Variants in CSMD1 observed in about 807,000 individuals in gnomAD.
CSMD1 encodes the protein CUB and Sushi multiple domains 1.
A neutral mutation model predicts 417.5 loss-of-function variants in CSMD1; 213 were observed. That is an observed-to-expected ratio of 0.51 (90% confidence interval 0.46 to 0.57). The LOEUF (loss-of-function observed/expected upper bound fraction) is 0.57. Among genes scored for constraint, CSMD1 ranks in the 20% least tolerant of loss-of-function variants. The probability of loss-of-function intolerance (pLI) is 0.00; values close to 1 mark genes in which losing one functional copy is unlikely to be tolerated. For synonymous variants in CSMD1, 2,862 were observed against 1,736.8 expected (o/e 1.65, Z -16.11); for missense variants, 6,923 against 4,529.7 (o/e 1.53, Z -15.17).
chr8:3,838,920 GTCTC>G lies in CSMD1; in HGVS notation c.819-84882_819-84879del, dbSNP rs1300609344. 9.8e-4 allele frequency among the ~76,000 whole-genome samples: 92 copies of G among 93,768 alleles called. 3 individuals are homozygous for G. The highest frequency in any genetic ancestry group is 4.4e-3 in the African/African-American group (79 of 18,110). 61.5% of individuals were successfully genotyped at this position (93,768 alleles called of 152,430 possible). A position where few individuals can be genotyped will look rare whatever the true frequency, so the allele number is the denominator to read the frequency against. ...ATAATATATACTCTAGATATGTATA[GTCTC>G]TCTATTTATATATAATAAAAAATTA... On this transcript the variant is annotated intron_variant, in intron 5 of 69. Transcript: ENST00000635120.
chr8:3,656,294 C>G (rs746994211), intron 7 of CSMD1, among the ~76,000 whole-genome samples: 1 of 152,180 alleles, frequency 6.6e-6, no homozygotes, highest in African/African-American at 2.4e-5. Flanking sequence ...CACAGAAATA[C>G]TCTCTCAGAA....
At chr8:4,083,234 G>T (rs1001595907) in intron 3 of CSMD1, among the ~76,000 whole-genome samples, 1 of 152,134 alleles carries the variant, frequency 6.6e-6, no homozygotes, top group Admixed American at 6.6e-5. Context: ...CCCACCAACA[G>T]TGTAAAAGTG....
intron 2 of CSMD1, among the ~76,000 whole-genome samples, chr8:4,469,022 A>T (rs948168849): frequency 6.6e-6 from 1 of 152,188 alleles, no homozygotes; most frequent in Non-Finnish European, 1.5e-5. Flanking sequence ...AAAAGTTCAA[A>T]AGACAATGCT....
intron 2 of CSMD1, among the ~76,000 whole-genome samples, chr8:4,426,727 T>C (rs919824733): frequency 4.1e-5 from 6 of 147,562 alleles, no homozygotes; most frequent in Admixed American, 6.8e-5. Context: ...TATTACTATA[T>C]ACATTTATTA....
At chr8:3,527,773 TTTGGA>T (rs1283245408) in intron 10 of CSMD1, among the ~76,000 whole-genome samples, 6 of 152,200 alleles carry the variant, frequency 3.9e-5, no homozygotes, top group African/African-American at 1.4e-4. Context: ...TATTCAACCC[TTTGGA>T]TCTGTAAGTA....
In CSMD1 at chr8:3,678,930, C is replaced by A. The variant is rs183729164; in HGVS notation, c.1009+29484G>T. 3.2e-3 allele frequency among the ~76,000 whole-genome samples: 481 copies of A among 152,144 alleles called. 12 individuals are homozygous for A. The highest frequency in any genetic ancestry group is 1.1e-3 in the Non-Finnish European group (78 of 68,002). Reference sequence around the variant, plus strand: ...TTTCAACCCAGAATTTCATATCCAGCCAAATTAAGCTTCATAAGTGAAGAA... The same window carrying A: ...TTTCAACCCAGAATTTCATATCCAGACAAATTAAGCTTCATAAGTGAAGAA... On this transcript the variant is annotated intron_variant, in intron 7 of 69. Coordinates refer to ENST00000635120, the MANE Select transcript of CSMD1 (RefSeq NM_033225.6).
At chr8:3,372,891 G>A (rs151322754) in intron 18 of CSMD1, among the ~76,000 whole-genome samples, 32 of 152,280 alleles carry the variant, frequency 2.1e-4, no homozygotes, top group African/African-American at 6.7e-4. Context: ...TAATGCCAGC[G>A]CACCGCGTAG....
chr8:3,709,490 G>T (rs1406829248), intron 6 of CSMD1, among the ~76,000 whole-genome samples: 1 of 151,958 alleles, frequency 6.6e-6, no homozygotes, highest in Non-Finnish European at 1.5e-5. Context: ...AGGAGATTCT[G>T]GGGGTGTCTG....
chr8:3,033,560 G>A (rs1038338343), intron 50 of CSMD1, among the ~76,000 whole-genome samples: 1 of 152,000 alleles, frequency 6.6e-6, no homozygotes, highest in Non-Finnish European at 1.5e-5. Context: ...GAGAACACAT[G>A]GACACAGGGA....
At chr8:4,715,747 T>G (rs1211950780) in intron 1 of CSMD1, among the ~76,000 whole-genome samples, 1 of 152,104 alleles carries the variant, frequency 6.6e-6, no homozygotes, top group East Asian at 1.9e-4. Context: ...CTCTCACACA[T>G]ATCCAACTTG....
intron 3 of CSMD1, among the ~76,000 whole-genome samples, chr8:4,129,897 T>G (rs187425606): frequency 1.0e-3 from 152 of 152,310 alleles, no homozygotes; most frequent in Non-Finnish European, 1.7e-3. Flanking sequence ...ATATAATATA[T>G]CCTTTTACTT....
intron 3 of CSMD1, among the ~76,000 whole-genome samples, chr8:4,228,759 A>G (rs561740460): frequency 2.2e-3 from 330 of 152,004 alleles, no homozygotes; most frequent in Non-Finnish European, 3.4e-3. Flanking sequence ...TCTTAGCTCA[A>G]TGCAACCTCT....
At chr8:4,093,398 T>C (rs1028360333) in intron 3 of CSMD1, among the ~76,000 whole-genome samples, 1 of 152,178 alleles carries the variant, frequency 6.6e-6, no homozygotes, top group Non-Finnish European at 1.5e-5. Context: ...AAAGCCAAAT[T>C]GTTTAAAGCC....
intron 10 of CSMD1, among the ~76,000 whole-genome samples, chr8:3,548,151 T>C (rs897647073): frequency 6.6e-6 from 1 of 152,166 alleles, no homozygotes; most frequent in Non-Finnish European, 1.5e-5. Context: ...TATCGGTACA[T>C]GTAACAATGT....
At chr8:4,867,277 CA>C (rs1456757446) in intron 1 of CSMD1, among the ~76,000 whole-genome samples, 2 of 152,152 alleles carry the variant, frequency 1.3e-5, no homozygotes, top group East Asian at 3.9e-4. Context: ...ACTCCCTACT[CA>C]TCAATGTGCT....
chr8:4,683,849 T>C (rs1187766029), intron 1 of CSMD1, among the ~76,000 whole-genome samples: 1 of 152,258 alleles, frequency 6.6e-6, no homozygotes, highest in Admixed American at 6.5e-5. Flanking sequence ...CCTTGGAATA[T>C]GAATCTGTTC....
chr8:3,723,872 G>A (rs925066405), intron 6 of CSMD1, among the ~76,000 whole-genome samples: 24 of 152,254 alleles, frequency 1.6e-4, no homozygotes, highest in African/African-American at 4.6e-4. Context: ...AGACCAACAC[G>A]TTTTACTATA....
At chr8:3,645,090 C>T (rs1194945399) in intron 7 of CSMD1, among the ~76,000 whole-genome samples, 2 of 151,526 alleles carry the variant, frequency 1.3e-5, no homozygotes, top group African/African-American at 4.9e-5. Context: ...TTGAATTGCA[C>T]AACTTCTGTC....
At chr8:3,222,914 A>G (rs1798297653) in intron 28 of CSMD1, among the ~76,000 whole-genome samples, 1 of 152,218 alleles carries the variant, frequency 6.6e-6, no homozygotes, top group African/African-American at 2.4e-5. Flanking sequence ...GGCCTTGAAT[A>G]CTGACATAAA....
Sources: allele counts gnomAD v4.1 joint callset (sites outside exome capture counted in the v4.1 genomes callset), GRCh38; gene constraint gnomAD v4.1.1; transcripts MANE v1.5; gene names NCBI Gene and HGNC (gene_info 2026-07-23, HGNC 2026-07-21).